Variants in EBF3 observed in about 807,000 individuals in gnomAD.
EBF3 encodes the protein transcription factor COE3.
Under a neutral mutation model 77.1 loss-of-function variants are expected in EBF3, and 18 were observed. The ratio of observed to expected loss-of-function variants is 0.23; its 90% CI spans 0.16 to 0.35. EBF3 has a LOEUF of 0.35. Among genes scored for constraint, EBF3 ranks in the 10% least tolerant of loss-of-function variants. The pLI is 1.00. For missense variants in EBF3, 558 were observed against 860.0 expected (o/e 0.65, Z 4.39); for synonymous variants, 350 against 343.5 (o/e 1.02, Z -0.21).
At chr10:129,875,861 C>G (rs1852739130) in intron 7 of EBF3, among the ~76,000 whole-genome samples, 2 of 152,194 alleles carry the variant, frequency 1.3e-5, no homozygotes, top group Non-Finnish European at 2.9e-5. Flanking sequence ...CACCCAGGTG[C>G]CCCCCTTGTG....
At chr10:129,878,130 A>G (rs1564849169) in intron 6 of EBF3, among the ~76,000 whole-genome samples, 3 of 152,214 alleles carry the variant, frequency 2.0e-5, no homozygotes, top group South Asian at 2.1e-4. Context: ...TCTTGGCTCA[A>G]TCTTTGCACA....
intron 6 of EBF3, among the ~76,000 whole-genome samples, chr10:129,948,984 C>G (rs952213969): frequency 6.6e-6 from 1 of 152,172 alleles, no homozygotes; most frequent in African/African-American, 2.4e-5. Context: ...CAGCCATATC[C>G]CCTGGTGCTG....
chr10:129,875,183 T>G (rs977477610), intron 7 of EBF3, among the ~76,000 whole-genome samples: 1 of 144,904 alleles, frequency 6.9e-6, no homozygotes, highest in African/African-American at 2.6e-5. Context: ...AGTGATGGCT[T>G]CTTCTTTTTT....
At chr10:129,854,931 G>A (rs1005110835) in intron 10 of EBF3, among the ~76,000 whole-genome samples, 18 of 152,208 alleles carry the variant, frequency 1.2e-4, no homozygotes, top group Admixed American at 5.2e-4. Context: ...GCAGGAAGAC[G>A]TCAGGTCACC....
Position 129,964,161 on chromosome 10 carries a change from G to C in EBF3, c.-393C>G. On this transcript the variant is annotated 5_prime_UTR_variant, in exon 1 of 17. Coordinates refer to ENST00000440978, the MANE Select transcript of EBF3 (RefSeq NM_001375380.1). The surrounding 1 kb of genome is among the most constrained non-coding windows in gnomAD (Gnocchi z 4.5). ...CCGCCTGCTCCAAAGACAAATAAAC[G>C]GGGCAGTGAGTGCTGCGGCGCAGTC... 1 of 984,948 alleles carries C rather than the reference G, an allele frequency of 1.0e-6. No individual in the cohort carries two copies. The highest frequency in any genetic ancestry group is 1.2e-6 in the Non-Finnish European group (1 of 829,790). The allele number at this position is 984,948 out of a possible 1,614,324, so 61.0% of individuals were successfully genotyped here.
At position 129,839,148 on chromosome 10, in the gene EBF3, G is replaced by A. The variant is rs1409654198; in HGVS notation, c.1807C>T (p.Pro603Ser). The A allele has an allele frequency of 7.7e-7, 1 of 1,304,418 alleles. No homozygotes were observed. The highest frequency in any genetic ancestry group is 1.0e-6 in the Non-Finnish European group (1 of 988,978). 80.8% of individuals were successfully genotyped at this position (1,304,418 alleles called of 1,614,324 possible). A position where few individuals can be genotyped will look rare whatever the true frequency, so the allele number is the denominator to read the frequency against. The part of the protein sequence containing the change: ...EDVAAEKTNW[P>S]FCEVGGIFHF... ...AATATGCCACCGACTTCACAAAAGG[G>A]CCAGTTTGTCTTCTCCGCGGCTACG... is the stretch of plus-strand genomic sequence containing the variant. The change falls in exon 16 of 17, where the codon CCC becomes TCC. Residue 603 changes from proline (P) to serine (S), a missense_variant. Transcript: ENST00000440978.
intron 5 of EBF3, among the ~76,000 whole-genome samples, chr10:129,957,539 TA>T (rs2134613285): frequency 6.6e-6 from 1 of 152,340 alleles, no homozygotes; most frequent in Admixed American, 6.5e-5. Context: ...ACCTATCTGT[TA>T]ATACCAGGAG....
rs1852137114 is a variant in EBF3, at chr10:129,867,878, T to C, written c.816A>G (p.Glu272=). 1 of 1,614,218 alleles carries C rather than the reference T, an allele frequency of 6.2e-7. No individual in the cohort carries two copies. The highest frequency in any genetic ancestry group is 1.3e-5 in the African/African-American group (1 of 75,074). ...TPCIKAISPS[E]GWTTGGATVI... is the part of the protein sequence containing the mutation. ...CGGTGGCACCCCCCGTGGTCCAGCC[T>C]TCACTGGGACTGATGGCCTTGATGC... The change falls in exon 9 of 17, where the codon GAA becomes GAG. Residue 272 remains glutamate (E), a synonymous_variant. Coordinates refer to ENST00000440978, the MANE Select transcript of EBF3 (RefSeq NM_001375380.1).
intron 6 of EBF3, among the ~76,000 whole-genome samples, chr10:129,898,521 G>A (rs1372408219): frequency 1.3e-5 from 2 of 152,194 alleles, no homozygotes; most frequent in East Asian, 3.9e-4. Flanking sequence ...CCCCAACCCA[G>A]AAGGATGGCA....
chr10:129,851,202 G>C (rs997519862), intron 10 of EBF3, among the ~76,000 whole-genome samples: 1 of 152,190 alleles, frequency 6.6e-6, no homozygotes, highest in South Asian at 2.1e-4. Flanking sequence ...AATTTGTATT[G>C]ATCTCCCAGC....
At chr10:129,895,738 A>T (rs545860075) in intron 6 of EBF3, among the ~76,000 whole-genome samples, 1 of 152,054 alleles carries the variant, frequency 6.6e-6, no homozygotes, top group African/African-American at 2.4e-5. Context: ...TACTTGTGCC[A>T]TTTTAAAATG....
intron 9 of EBF3, among the ~76,000 whole-genome samples, 199 bp downstream of exon 9, chr10:129,867,583 G>T (rs1207022371): frequency 6.6e-6 from 1 of 152,200 alleles, no homozygotes; most frequent in Non-Finnish European, 1.5e-5. Context: ...TCGATGGCAG[G>T]TTTTAAACCC....
At chr10:129,898,748 C>T (rs1589815665) in intron 6 of EBF3, among the ~76,000 whole-genome samples, 1 of 152,310 alleles carries the variant, frequency 6.6e-6, no homozygotes, top group East Asian at 1.9e-4. Context: ...ATATGCTCCC[C>T]GTTCCTCTTG....
intron 6 of EBF3, among the ~76,000 whole-genome samples, chr10:129,883,712 AAC>A (rs751856062): frequency 2.7e-4 from 41 of 151,880 alleles, no homozygotes; most frequent in South Asian, 1.7e-3. Context: ...CCAGCCAGAA[AAC>A]ACAGTTTTAA....
intron 6 of EBF3, among the ~76,000 whole-genome samples, chr10:129,903,634 T>A (rs1388677220): frequency 6.6e-6 from 1 of 152,204 alleles, no homozygotes; most frequent in East Asian, 1.9e-4. Context: ...ATGGTCCTTC[T>A]CGTGGATAAA....
At chr10:129,902,113 G>A (rs763811980) in intron 6 of EBF3, among the ~76,000 whole-genome samples, 1 of 152,098 alleles carries the variant, frequency 6.6e-6, no homozygotes, top group Non-Finnish European at 1.5e-5. Flanking sequence ...GGAAGTTTTC[G>A]GGGAATTAGA....
chr10:129,951,545 G>A (rs369037749), intron 6 of EBF3, among the ~76,000 whole-genome samples: 11 of 152,352 alleles, frequency 7.2e-5, no homozygotes, highest in Middle Eastern at 3.4e-3. Context: ...AGAGTGATGC[G>A]GAAGTCATTG....
At chr10:129,856,999 A>C (rs1851298258) in intron 10 of EBF3, among the ~76,000 whole-genome samples, 1 of 152,168 alleles carries the variant, frequency 6.6e-6, no homozygotes, top group Admixed American at 6.5e-5. Flanking sequence ...AGGGCTCCGC[A>C]CAGGTGTGAA....
At chr10:129,890,055 C>T (rs776217363) in intron 6 of EBF3, among the ~76,000 whole-genome samples, 1 of 146,142 alleles carries the variant, frequency 6.8e-6, no homozygotes, top group African/African-American at 2.5e-5. Flanking sequence ...GCAGGGCACA[C>T]TCATGTGCCC....
Sources: allele counts gnomAD v4.1 joint callset (sites outside exome capture counted in the v4.1 genomes callset), GRCh38; gene constraint gnomAD v4.1.1; non-coding constraint Gnocchi (gnomAD v3.1); transcripts MANE v1.5; gene names NCBI Gene and HGNC (gene_info 2026-07-23, HGNC 2026-07-21).